Variants in HERC6 observed in about 807,000 individuals in gnomAD.
HERC6 encodes probable E3 ubiquitin-protein ligase HERC6.
In HERC6, 101 loss-of-function variants were observed where a neutral mutation model predicts 114.5. The observed-to-expected ratio is 0.88, with a 90% CI of 0.75 to 1.04. HERC6 has a LOEUF of 1.04. HERC6 is among the 50% of genes least tolerant of loss of function. The pLI, the probability that HERC6 is intolerant of heterozygous loss-of-function variation, is 0.00. For missense variants in HERC6, 1,133 were observed against 1,230.9 expected, an observed-to-expected ratio of 0.92 and a Z score of 1.19; for synonymous variants, 408 against 436.2, an observed-to-expected ratio of 0.94 and a Z score of 0.81.
chr4:88,421,531 T>C (rs1458439188), intron 13 of HERC6, among the ~76,000 whole-genome samples: 2 of 150,700 alleles, frequency 1.3e-5, no homozygotes, highest in African/African-American at 4.9e-5. Flanking sequence ...CACTGCCACC[T>C]CCACCTCCCA....
chr4:88,387,300 A>C (rs1734633282), intron 3 of HERC6, among the ~76,000 whole-genome samples: 2 of 152,162 alleles, frequency 1.3e-5, no homozygotes, highest in African/African-American at 4.8e-5. Flanking sequence ...AGGGGGCTGA[A>C]GTTGGAGGAG....
chr4:88,385,385 A>T (rs1560532684), intron 2 of HERC6, 114 bp from the exon 3 acceptor site: 2 of 637,396 alleles, frequency 3.1e-6, no homozygotes, highest in Non-Finnish European at 5.5e-6. Flanking sequence ...ACAAGAAAAT[A>T]AAATAGTTTT....
intron 11 of HERC6, among the ~76,000 whole-genome samples, chr4:88,410,531 C>T (rs570725896): frequency 1.8e-3 from 272 of 152,210 alleles, no homozygotes; most frequent in African/African-American, 6.3e-3. Flanking sequence ...TCTCTGGGGT[C>T]TCTTTTGTAA....
intron 20 of HERC6, 28 bp from the exon 21 acceptor site, chr4:88,439,846 T>C (rs747749309): frequency 1.4e-4 from 118 of 825,006 alleles, no homozygotes; most frequent in Middle Eastern, 6.4e-4. Flanking sequence ...TCCTTTCTTT[T>C]TTTTTTTTTT....
chr4:88,431,115 A>T, intron 16 of HERC6, 47 bp from the exon 17 acceptor site: 1 of 1,549,892 alleles, frequency 6.5e-7, no homozygotes, highest in Middle Eastern at 1.7e-4. Flanking sequence ...AAAGCTCAAA[A>T]CATTGTATTT....
intron 8 of HERC6, among the ~76,000 whole-genome samples, chr4:88,401,638 C>G (rs1289861256): frequency 6.6e-6 from 1 of 151,974 alleles, no homozygotes; most frequent in Non-Finnish European, 1.5e-5. Context: ...AGAAACGGTA[C>G]AGGTGAAGGT....
intron 4 of HERC6, among the ~76,000 whole-genome samples, 173 bp from the exon 5 acceptor site, chr4:88,393,315 G>C (rs532173942): frequency 6.6e-6 from 1 of 150,392 alleles, no homozygotes; most frequent in Admixed American, 6.6e-5. Flanking sequence ...AAAAAAAAAA[G>C]ATATTAAAAA....
At chr4:88,439,838 CTTT>C (rs747372851) in intron 20 of HERC6, 33 bp from the exon 21 acceptor site, 994 of 1,284,490 alleles carry the variant, frequency 7.7e-4, no homozygotes, top group Middle Eastern at 5.4e-3. Context: ...CTTTTCCTTC[CTTT>C]CTTTTTTTTT....
chr4:88,399,642 G>A (rs961937988), intron 8 of HERC6: 3 of 151,950 alleles, frequency 2.0e-5, no homozygotes, highest in African/African-American at 2.4e-5. Flanking sequence ...GTGGTGGTAC[G>A]AGCCTGTAAT....
chr4:88,395,684 A>T (rs1470324628), intron 5 of HERC6, among the ~76,000 whole-genome samples: 1 of 148,312 alleles, frequency 6.7e-6, no homozygotes, highest in Non-Finnish European at 1.5e-5. Context: ...AATGCTAATG[A>T]TTTTTTTTTT....
intron 10 of HERC6, 150 bp from the exon 11 acceptor site, chr4:88,408,374 A>G (rs1578389486): frequency 7.6e-6 from 5 of 661,168 alleles, no homozygotes; most frequent in East Asian, 2.7e-5. Flanking sequence ...TACATTTTTT[A>G]TGTCAAGTAA....
rs1174347338 is a variant in HERC6, at chr4:88,380,317, AAT to A, written c.199+1207_199+1208del. On this transcript the variant is annotated intron_variant, in intron 1 of 22. Transcript: ENST00000264346. ...TATATAAATATATATATAATATATAAATATATATATAATATATAAATATATAT... is the reference window on the plus strand; with the variant it reads ...TATATAAATATATATATAATATATAAATATATATAATATATAAATATATAT... 7.7e-3 allele frequency among the ~76,000 whole-genome samples: 65 copies of A among 8,460 alleles called. 9 individuals are homozygous for A. Among genetic ancestry groups the A allele is most frequent in the African/African-American group, 0.043 (48 of 1,108 alleles). The allele number at this position is 8,460 out of a possible 152,430, so 5.6% of individuals were successfully genotyped here. A position where few individuals can be genotyped will look rare whatever the true frequency, so the allele number is the denominator to read the frequency against.
intron 15 of HERC6, among the ~76,000 whole-genome samples, chr4:88,427,267 G>C (rs1198388849): frequency 2.0e-5 from 3 of 152,208 alleles, no homozygotes; most frequent in African/African-American, 7.2e-5. Context: ...AACCGGAGTA[G>C]AGAAGCTAGA....
chr4:88,439,422 G>A (rs1340584372), intron 20 of HERC6, among the ~76,000 whole-genome samples: 2 of 151,540 alleles, frequency 1.3e-5, no homozygotes, highest in Non-Finnish European at 2.9e-5. Flanking sequence ...AAAGGGAAGG[G>A]AAGGGAAAGG....
chr4:88,416,724 C>G (rs978722135), intron 12 of HERC6, among the ~76,000 whole-genome samples: 1 of 151,870 alleles, frequency 6.6e-6, no homozygotes, highest in Non-Finnish European at 1.5e-5. Flanking sequence ...TTTTTCATTC[C>G]CACTAATATG....
intron 14 of HERC6, 68 bp downstream of exon 14, chr4:88,424,041 G>T: frequency 2.8e-6 from 2 of 710,400 alleles, no homozygotes; most frequent in Non-Finnish European, 4.5e-6. Context: ...TGTAGTATCT[G>T]TAAAGGTACT....
intron 1 of HERC6, among the ~76,000 whole-genome samples, chr4:88,379,859 C>CATATAAATATATATAAT (rs1560528154): frequency 5.0e-3 from 122 of 24,466 alleles, no homozygotes; most frequent in Non-Finnish European, 6.9e-3. Flanking sequence ...ATATATATAG[C>CATATAAATATATATAAT]ATATAAATAT....
chr4:88,441,204 A>G (rs1214974419), intron 22 of HERC6, among the ~76,000 whole-genome samples: 1 of 152,188 alleles, frequency 6.6e-6, no homozygotes, highest in African/African-American at 2.4e-5. Flanking sequence ...GAATGATGCC[A>G]ACTATCTGTT....
At chr4:88,380,641 C>T (rs1475189817) in intron 1 of HERC6, among the ~76,000 whole-genome samples, 2 of 148,918 alleles carry the variant, frequency 1.3e-5, no homozygotes, top group Admixed American at 6.8e-5. Context: ...CGCTTGAACC[C>T]GGGAGGCAGA....
Sources: gnomAD v4.1 joint callset for allele counts (sites outside exome capture counted in the v4.1 genomes callset) on GRCh38, gnomAD v4.1.1 for gene constraint, MANE v1.5 for transcripts, NCBI Gene and HGNC (gene_info 2026-07-23, HGNC 2026-07-21) for gene names.